The following PNPT1 variants were observed in gnomAD, a reference collection of about 807,000 sequenced individuals.
PNPT1 encodes polyribonucleotide nucleotidyltransferase 1, mitochondrial.
In PNPT1, 53 loss-of-function variants were observed where a neutral mutation model predicts 119.5. The ratio of observed to expected loss-of-function variants is 0.44; its 90% confidence interval spans 0.36 to 0.56. PNPT1 has a LOEUF of 0.56. Among genes scored for constraint, PNPT1 ranks in the 20% least tolerant of loss-of-function variants. The pLI is 0.00. For synonymous variants in PNPT1, 357 were observed against 322.1 expected (o/e 1.11, Z -1.16); for missense variants, 948 against 938.5 (o/e 1.01, Z -0.13).
At chr2:55,650,974 G>A (rs1342253394) in intron 18 of PNPT1, among the ~76,000 whole-genome samples, 4 of 139,990 alleles carry the variant, frequency 2.9e-5, no homozygotes, top group South Asian at 4.8e-4. Flanking sequence ...CCGGCCAGCC[G>A]CCCCGTCCGG....
chr2:55,679,452 G>T (rs1697179554), intron 8 of PNPT1, among the ~76,000 whole-genome samples: 1 of 151,996 alleles, frequency 6.6e-6, no homozygotes. Flanking sequence ...AATAATTACT[G>T]AAATGATCTT....
At chr2:55,683,900 G>C (rs1330079426) in intron 4 of PNPT1, 66 bp from the exon 5 acceptor site, 2 of 1,463,564 alleles carry the variant, frequency 1.4e-6, no homozygotes, top group Non-Finnish European at 1.9e-6. Flanking sequence ...CAAAACGTTT[G>C]AACTAATATA....
At chr2:55,690,531 C>T (rs1217407407) in intron 1 of PNPT1, among the ~76,000 whole-genome samples, 3 of 152,234 alleles carry the variant, frequency 2.0e-5, no homozygotes, top group Non-Finnish European at 4.4e-5. Context: ...ATATTTTCAC[C>T]TGTTAAATAC....
intron 21 of PNPT1, among the ~76,000 whole-genome samples, chr2:55,645,723 T>C (rs1039112381): frequency 9.2e-5 from 14 of 152,316 alleles, no homozygotes; most frequent in African/African-American, 3.4e-4. Context: ...AGATATGGGA[T>C]CTCACTACGT....
chr2:55,643,114 TAA>T (rs767276341), intron 25 of PNPT1, 42 bp downstream of exon 25: 1 of 1,604,540 alleles, frequency 6.2e-7, no homozygotes, highest in African/African-American at 1.3e-5. Context: ...ACCCTGTCTC[TAA>T]AGAAAGGAAA....
chr2:55,645,507 C>T (rs1021161851), intron 21 of PNPT1, 75 bp from the exon 22 acceptor site: 44 of 955,738 alleles, frequency 4.6e-5, no homozygotes, highest in Middle Eastern at 2.2e-4. Context: ...TTAGTTTTCA[C>T]GGTATACAAT....
rs1199619661 is a variant in PNPT1 at position 55,664,849 on chromosome 2, T to C, written c.1176+2142A>G. ...TCAAAGGTGACACTGACTCTATTCA[T>C]TGTAGACTATAACTTAAATTGTAAA... On this transcript the variant is annotated intron_variant, in intron 13 of 27. Transcript: ENST00000447944. Among the ~76,000 whole-genome samples the C allele has an allele frequency of 3.9e-5, 6 of 152,260 alleles. No homozygotes were observed. In the South Asian group the frequency reaches 1.0e-3, roughly 26 times the overall value.
chr2:55,690,713 G>A (rs1697570180), intron 1 of PNPT1, among the ~76,000 whole-genome samples: 1 of 151,916 alleles, frequency 6.6e-6, no homozygotes, highest in Admixed American at 6.6e-5. Flanking sequence ...TTTAAAATCA[G>A]GGAATATTTG....
intron 8 of PNPT1, among the ~76,000 whole-genome samples, chr2:55,675,967 A>C (rs1160818081): frequency 2.6e-5 from 4 of 152,154 alleles, no homozygotes; most frequent in Non-Finnish European, 4.4e-5. Context: ...GCTTGTCAAA[A>C]TGATTGCTAT....
chr2:55,655,974 A>G (rs1696371706), intron 17 of PNPT1, among the ~76,000 whole-genome samples, 157 bp downstream of exon 17: 1 of 152,242 alleles, frequency 6.6e-6, no homozygotes, highest in South Asian at 2.1e-4. Context: ...AAGAACAGAG[A>G]TTAAGACAAG....
intron 14 of PNPT1, among the ~76,000 whole-genome samples, chr2:55,660,444 G>T (rs926789363): frequency 6.6e-6 from 1 of 152,152 alleles, no homozygotes; most frequent in Non-Finnish European, 1.5e-5. Flanking sequence ...TAAATATCCA[G>T]ATTTGAACAC....
At chr2:55,669,719 A>T (rs1301996564) in intron 11 of PNPT1, among the ~76,000 whole-genome samples, 5 of 152,086 alleles carry the variant, frequency 3.3e-5, no homozygotes, top group African/African-American at 7.2e-5. Flanking sequence ...AACATATTCA[A>T]TGACAGTTAC....
chr2:55,668,789 G>A (rs1339309912), intron 11 of PNPT1, among the ~76,000 whole-genome samples: 2 of 151,912 alleles, frequency 1.3e-5, no homozygotes, highest in African/African-American at 2.4e-5. Flanking sequence ...TAGTAGAGAC[G>A]GGGTTTCTCC....
At chr2:55,642,054 C>A (rs1321656971) in intron 25 of PNPT1, among the ~76,000 whole-genome samples, 1 of 152,006 alleles carries the variant, frequency 6.6e-6, no homozygotes, top group South Asian at 2.1e-4. Context: ...GTTGGTCAGG[C>A]TGCTCTCGAA....
In PNPT1 at chr2:55,634,559, C is replaced by G. The variant is rs1260214508; in HGVS notation, c.*1678G>C. 6.8e-6 allele frequency: 1 copy of G among 146,756 alleles called. No homozygotes were observed. Among genetic ancestry groups the G allele is most frequent in the Admixed American group, 6.9e-5 (1 of 14,492 alleles). 9.1% of individuals were successfully genotyped at this position (146,756 alleles called of 1,614,324 possible). A position where few individuals can be genotyped will look rare whatever the true frequency, so the allele number is the denominator to read the frequency against. On this transcript the variant is annotated 3_prime_UTR_variant, in exon 28 of 28. Coordinates refer to ENST00000447944, the MANE Select transcript of PNPT1 (RefSeq NM_033109.5). ...TTACAGGCATGAGCTTCTGTGCCCA[C>G]CATTTTTTTTTTTGAGATGGAGTTT...
At chr2:55,669,812 G>A (rs1365631324) in intron 11 of PNPT1, among the ~76,000 whole-genome samples, 1 of 150,122 alleles carries the variant, frequency 6.7e-6, no homozygotes, top group Non-Finnish European at 1.5e-5. Flanking sequence ...CCAGGCTGGA[G>A]TGCAGTGGCG....
intron 15 of PNPT1, among the ~76,000 whole-genome samples, chr2:55,657,193 G>A (rs1696412520): frequency 6.6e-6 from 1 of 151,904 alleles, no homozygotes; most frequent in Admixed American, 6.6e-5. Flanking sequence ...GCAGGGCGTG[G>A]TGGCGCATGC....
intron 19 of PNPT1, among the ~76,000 whole-genome samples, chr2:55,646,792 C>T (rs1696018487): frequency 6.6e-6 from 1 of 152,058 alleles, no homozygotes; most frequent in African/African-American, 2.4e-5. Flanking sequence ...TACTGCAATA[C>T]TTAAGGGTAA....
At chr2:55,692,764 C>G (rs1181915291) in intron 1 of PNPT1, among the ~76,000 whole-genome samples, 2 of 152,108 alleles carry the variant, frequency 1.3e-5, no homozygotes, top group African/African-American at 4.8e-5. Context: ...TCCTCCTAAC[C>G]CAGGGTCATA....
Sources: gnomAD v4.1 joint callset for allele counts (sites outside exome capture counted in the v4.1 genomes callset) on GRCh38, gnomAD v4.1.1 for gene constraint, MANE v1.5 for transcripts, NCBI Gene and HGNC (gene_info 2026-07-23, HGNC 2026-07-21) for gene names.